The following SGCD variants were observed in gnomAD, a reference collection of about 807,000 sequenced individuals.
The protein encoded by SGCD is delta-sarcoglycan.
In SGCD, 18 loss-of-function variants were observed where a neutral mutation model predicts 36.6. The observed-to-expected ratio is 0.49, with a 90% CI of 0.34 to 0.73. SGCD has a LOEUF of 0.73. SGCD is among the 30% of genes least tolerant of loss of function. The probability of loss-of-function intolerance (pLI) is 0.01; values close to 1 mark genes in which losing one functional copy is unlikely to be tolerated. For missense variants in SGCD, 387 were observed against 346.7 expected (o/e 1.12, Z -0.92); for synonymous variants, 133 against 130.6 (o/e 1.02, Z -0.12).
At chr5:156,381,475 G>A (rs1449401574) in intron 3 of SGCD, among the ~76,000 whole-genome samples, 1 of 151,916 alleles carries the variant, frequency 6.6e-6, no homozygotes, top group African/African-American at 2.4e-5. Flanking sequence ...CTGGGCACAG[G>A]GGCATGGCAG....
At chr5:156,488,365 T>C (rs919237813) in intron 3 of SGCD, among the ~76,000 whole-genome samples, 4 of 152,016 alleles carry the variant, frequency 2.6e-5, no homozygotes, top group Non-Finnish European at 5.9e-5. Flanking sequence ...CTAAGGCTTA[T>C]TATAGTCAAA....
At chr5:156,560,144 T>C (rs1274429596) in intron 4 of SGCD, among the ~76,000 whole-genome samples, 5 of 152,198 alleles carry the variant, frequency 3.3e-5, no homozygotes, top group Non-Finnish European at 7.4e-5. Context: ...ACCTTTGTTT[T>C]TTCTCAAATT....
chr5:156,614,953 GT>G (rs1283376050), intron 6 of SGCD, among the ~76,000 whole-genome samples: 1 of 152,170 alleles, frequency 6.6e-6, no homozygotes, highest in East Asian at 1.9e-4. Flanking sequence ...AACGAAAAAT[GT>G]TTTTGCCACC....
the SGCD span, among the ~76,000 whole-genome samples, chr5:155,754,632 T>C: frequency 2.6e-5 from 4 of 152,222 alleles, no homozygotes; most frequent in African/African-American, 9.6e-5. Flanking sequence ...GCGTCAGTTA[T>C]AAGGTGGAAC....
At chr5:155,824,240 A>G in the SGCD span, among the ~76,000 whole-genome samples, 3 of 152,204 alleles carry the variant, frequency 2.0e-5, no homozygotes, top group Non-Finnish European at 4.4e-5. Context: ...CTGGGGAGCA[A>G]GGCTGTTTGG....
At chr5:156,205,051 T>G (rs1349184050) in intron 3 of SGCD, among the ~76,000 whole-genome samples, 1 of 152,154 alleles carries the variant, frequency 6.6e-6, no homozygotes, top group Non-Finnish European at 1.5e-5. Context: ...TTGCTGTTTT[T>G]CTATAATAGC....
At chr5:156,754,742 G>A (rs1270441703) in intron 7 of SGCD, among the ~76,000 whole-genome samples, 3 of 152,176 alleles carry the variant, frequency 2.0e-5, no homozygotes, top group Admixed American at 2.0e-4. Flanking sequence ...ACACCAGATT[G>A]ATAGGTTTTG....
intron 7 of SGCD, among the ~76,000 whole-genome samples, chr5:156,739,180 A>G (rs1436867649): frequency 2.0e-5 from 3 of 152,160 alleles, no homozygotes; most frequent in South Asian, 4.1e-4. Flanking sequence ...TAATGCAACT[A>G]GACTGCAATA....
chr5:155,813,248 G>A, the SGCD span, among the ~76,000 whole-genome samples: 1 of 152,090 alleles, frequency 6.6e-6, no homozygotes, highest in South Asian at 2.1e-4. Context: ...GTAGGCAATG[G>A]TAAGTTAGTG....
the SGCD span, among the ~76,000 whole-genome samples, chr5:155,838,186 C>T: frequency 1.3e-5 from 2 of 152,070 alleles, no homozygotes; most frequent in Non-Finnish European, 2.9e-5. Context: ...ATGTCGTTCT[C>T]CTACTTAAAA....
chr5:156,464,506 CA>C (rs1421765883), intron 3 of SGCD, among the ~76,000 whole-genome samples: 30 of 152,148 alleles, frequency 2.0e-4, no homozygotes, highest in Non-Finnish European at 2.6e-4. Flanking sequence ...AGGTGTGAGC[CA>C]CCATGCCCGG....
At chr5:155,959,632 T>C (rs566265218) in intron 1 of SGCD, among the ~76,000 whole-genome samples, 2 of 152,150 alleles carry the variant, frequency 1.3e-5, no homozygotes, top group African/African-American at 4.8e-5. Flanking sequence ...TTCAATTAAA[T>C]GCTAAGTAAT....
intron 3 of SGCD, among the ~76,000 whole-genome samples, chr5:156,495,391 C>T (rs1014307925): frequency 2.6e-5 from 4 of 152,128 alleles, no homozygotes; most frequent in African/African-American, 4.8e-5. Context: ...TATTTCTGAA[C>T]TTATCCCTGG....
intron 3 of SGCD, among the ~76,000 whole-genome samples, chr5:156,444,075 TCTCTC>T: frequency 1.1e-5 from 1 of 90,308 alleles, no homozygotes; most frequent in Non-Finnish European, 2.2e-5. Context: ...TCTCTCTCTC[TCTCTC>T]TCTCTCTCTC....
At chr5:156,029,926 C>T (rs3097855) in intron 1 of SGCD, among the ~76,000 whole-genome samples, 5 of 152,038 alleles carry the variant, frequency 3.3e-5, no homozygotes, top group Non-Finnish European at 7.4e-5. Flanking sequence ...ATTAAGCAGC[C>T]TTTCTTCCCC....
At chr5:156,131,500 A>G (rs1008022606) in intron 3 of SGCD, among the ~76,000 whole-genome samples, 1 of 152,240 alleles carries the variant, frequency 6.6e-6, no homozygotes, top group East Asian at 1.9e-4. Flanking sequence ...TAGAGATTAT[A>G]TGAACAATGA....
At position 156,625,775 on chromosome 5, in the gene SGCD, A is replaced by G. The variant is rs181386683; in HGVS notation, c.503-21689A>G. ...AGCTAGAGTATAACAAGAATAGGAC[A>G]TGATTGTAAGCCCTGACATATGTCT... is the stretch of plus-strand genomic sequence containing the variant. On this transcript the variant is annotated intron_variant, in intron 6 of 8. Coordinates refer to ENST00000337851, the MANE Select transcript of SGCD (RefSeq NM_000337.6). Among the ~76,000 whole-genome samples, 287 of 152,378 alleles carry G rather than the reference A, an allele frequency of 1.9e-3. 1 individual carries two copies. The highest frequency in any genetic ancestry group is 6.5e-3 in the African/African-American group (269 of 41,598).
Position 156,761,743 on chromosome 5 carries a change from GA to G in SGCD, c.*2355del, listed in dbSNP as rs1757503897. 1.3e-5 allele frequency: 2 copies of G among 152,198 alleles called. No homozygotes were observed. The highest frequency in any genetic ancestry group is 4.8e-5 in the African/African-American group (2 of 41,450). 9.4% of individuals were successfully genotyped at this position (152,198 alleles called of 1,614,324 possible). On this transcript the variant is annotated 3_prime_UTR_variant, in exon 9 of 9. Transcript: ENST00000337851. Reference sequence around the variant, plus strand: ...TTAGATTTTGTTCTAATCACCACGTGAAGGAATGAGATTAGCACCACAAGTT... The same window carrying G: ...TTAGATTTTGTTCTAATCACCACGTGAGGAATGAGATTAGCACCACAAGTT...
intron 7 of SGCD, among the ~76,000 whole-genome samples, chr5:156,673,267 A>C (rs1025767516): frequency 3.9e-5 from 6 of 152,334 alleles, no homozygotes; most frequent in Middle Eastern, 3.4e-3. Context: ...TTTTCTATTC[A>C]TAATATATCA....
Sources: gnomAD v4.1 joint callset for allele counts (sites outside exome capture counted in the v4.1 genomes callset) on GRCh38, gnomAD v4.1.1 for gene constraint, MANE v1.5 for transcripts, NCBI Gene and HGNC (gene_info 2026-07-23, HGNC 2026-07-21) for gene names.